Variants in ADA observed in about 807,000 individuals in gnomAD.
ADA encodes adenosine deaminase.
Under a neutral mutation model 49.0 loss-of-function variants are expected in ADA, and 45 were observed. The observed-to-expected ratio is 0.92, with a 90% CI of 0.72 to 1.18. ADA has a LOEUF of 1.18. ADA is among the 50% of genes most tolerant of loss of function. The pLI is 0.00. For synonymous variants in ADA, 173 were observed against 184.2 expected (o/e 0.94, Z 0.49); for missense variants, 445 against 472.5 (o/e 0.94, Z 0.54).
chr20:44,620,862 G>C, intron 10 of ADA, 156 bp downstream of exon 10: 1 of 1,034,656 alleles, frequency 9.7e-7, no homozygotes, highest in South Asian at 1.3e-5. Flanking sequence ...TCAACACAAA[G>C]ATGTCTTCTC....
chr20:44,620,601 A>G, intron 10 of ADA, 200 bp from the exon 11 acceptor site: 5 of 633,008 alleles, frequency 7.9e-6, no homozygotes, highest in East Asian at 5.7e-5. Context: ...TACATGAAAA[A>G]GGGCTGTGAG....
At chr20:44,635,202 C>G (rs2065469138) in intron 2 of ADA, among the ~76,000 whole-genome samples, 1 of 152,178 alleles carries the variant, frequency 6.6e-6, no homozygotes. Flanking sequence ...AAGAACCTTC[C>G]TCGCTGGGGA....
rs2065408258 is a variant in ADA at position 44,629,043 on chromosome 20, TCA to T, written c.218+2_218+3del. On this transcript the variant is annotated splice_donor_variant and splice_donor_region_variant and intron_variant, in intron 3 of 11. Coordinates refer to ENST00000372874, the MANE Select transcript of ADA (RefSeq NM_000022.4). LOFTEE classifies it high-confidence loss of function. ...CTAGGACCTGTGGGTTGGGGGCAAC[TCA>T]CGCGATAGCAGGCATGTAGTAGTCA... 6.2e-7 allele frequency: 1 copy of T among 1,614,028 alleles called. No individual in the cohort carries two copies. The highest frequency in any genetic ancestry group is 1.1e-5 in the South Asian group (1 of 91,084).
intron 4 of ADA, among the ~76,000 whole-genome samples, chr20:44,625,927 C>T (rs1328813891): frequency 6.6e-6 from 1 of 152,172 alleles, no homozygotes; most frequent in Non-Finnish European, 1.5e-5. Context: ...ATGGCCCTCC[C>T]CACCCCCAGA....
rs1196432166 is a variant in ADA, at chr20:44,620,370, G to T, written c.1007C>A (p.Pro336Gln). ...NINAAKSSFLPEDEKRELLDL... is the reference protein window; with the variant it reads ...NINAAKSSFLQEDEKRELLDL... ...GAGAAGCTCCCTCTTTTCATCTTCT[G>T]GGAGGAAACTAGATTTGGCCGCATT... The change falls in exon 11 of 12, where the codon CCA (proline) becomes CAA (glutamine). Residue 336 changes from proline to glutamine, a missense_variant. Physicochemically the swap from Pro to Gln is moderately conservative, Grantham distance 76. Transcript: ENST00000372874. 1 of 1,614,182 alleles carries T rather than the reference G, an allele frequency of 6.2e-7. No homozygotes were observed. The highest frequency in any genetic ancestry group is 1.7e-5 in the Admixed American group (1 of 60,014).
At chr20:44,645,219 G>A (rs183464551) in intron 1 of ADA, among the ~76,000 whole-genome samples, 35 of 152,168 alleles carry the variant, frequency 2.3e-4, no homozygotes, top group Admixed American at 2.2e-3. Flanking sequence ...GAGGACCAGC[G>A]GGGGCAAGTG....
chr20:44,629,234 G>C, intron 2 of ADA, 65 bp from the exon 3 acceptor site: 1 of 1,609,622 alleles, frequency 6.2e-7, no homozygotes, highest in Non-Finnish European at 8.5e-7. Context: ...TGACAGGCCA[G>C]GATGGAGCAG....
Position 44,621,118 on chromosome 20 carries a change from A to C in ADA, c.875T>G (p.Leu292Arg). Residue 292 changes from leucine to arginine, a missense_variant, in exon 10 of 12, where the codon CTC becomes CGC. Coordinates refer to ENST00000372874, the MANE Select transcript of ADA (RefSeq NM_000022.4). ...GAAGATGAGCGGGTCATCTGTGTTGAGCGAGTAGTTAGCCTGGTCATTTTT... is the reference window on the plus strand; with the variant it reads ...GAAGATGAGCGGGTCATCTGTGTTGCGCGAGTAGTTAGCCTGGTCATTTTT... ...RLKNDQANYS[L>R]NTDDPLIFKS... The C allele has an allele frequency of 6.2e-7, 1 of 1,614,186 alleles. No individual in the cohort carries two copies. Among genetic ancestry groups the C allele is most frequent in the Non-Finnish European group, 8.5e-7 (1 of 1,180,042 alleles).
chr20:44,635,762 G>A (rs1212043980), intron 2 of ADA, among the ~76,000 whole-genome samples: 2 of 152,164 alleles, frequency 1.3e-5, no homozygotes, highest in Non-Finnish European at 2.9e-5. Flanking sequence ...GCTGGATGTG[G>A]TGGCATGTGC....
chr20:44,620,350 G>C lies in ADA; in HGVS notation c.1027C>G (p.Leu343Val), dbSNP rs1170562212. 6.2e-7 allele frequency: 1 copy of C among 1,614,106 alleles called. No homozygotes were observed. The highest frequency in any genetic ancestry group is 8.5e-7 in the Non-Finnish European group (1 of 1,180,048). The change falls in exon 11 of 12, where the codon CTT becomes GTT. Residue 343 changes from leucine (L) to valine (V), a missense_variant. By Grantham distance (32) the Leu-to-Val change is conservative. Transcript: ENST00000372874. ...TAGGCTTTATAGAGCAGGTCGAGAA[G>C]CTCCCTCTTTTCATCTTCTGGGAGG... ...SFLPEDEKRE[L>V]LDLLYKAYGM...
In ADA at chr20:44,649,185, T is replaced by C. The variant is rs1270737282; in HGVS notation, c.33+2390A>G. On this transcript the variant is annotated intron_variant, in intron 1 of 11. Transcript: ENST00000372874. ...CTCTGTGCCTGGATTAAATAAAAAA[T>C]GCAGATAATGTGTTTAGAACGGTGC... Among the ~76,000 whole-genome samples, 3 of 152,060 alleles carry C rather than the reference T, an allele frequency of 2.0e-5. No individual in the cohort carries two copies. In the East Asian group the frequency reaches 5.8e-4, roughly 29 times the overall value.
chr20:44,625,186 C>A (rs1308403419), intron 5 of ADA, among the ~76,000 whole-genome samples: 1 of 152,208 alleles, frequency 6.6e-6, no homozygotes, highest in East Asian at 1.9e-4. Flanking sequence ...ACAAGGGAGA[C>A]CCCTCAGAAA....
At chr20:44,640,196 T>C (rs889658090) in intron 1 of ADA, among the ~76,000 whole-genome samples, 5 of 152,000 alleles carry the variant, frequency 3.3e-5, no homozygotes, top group Non-Finnish European at 7.4e-5. Flanking sequence ...GGTGGATCAC[T>C]TGAGGTTAGG....
At chr20:44,649,178 TAAA>T (rs1004141687) in intron 1 of ADA, among the ~76,000 whole-genome samples, 4 of 152,028 alleles carry the variant, frequency 2.6e-5, no homozygotes, top group Non-Finnish European at 4.4e-5. Context: ...CTGGATTAAA[TAAA>T]AAATGCAGAT....
At chr20:44,623,962 G>C (rs1483876741) in intron 6 of ADA, 3 of 534,562 alleles carry the variant, frequency 5.6e-6, no homozygotes, top group Non-Finnish European at 1.1e-5. Context: ...GCCCTGGCTG[G>C]TCTCAAACTC....
At chr20:44,626,961 A>G (rs2065388683) in intron 3 of ADA, among the ~76,000 whole-genome samples, 1 of 152,060 alleles carries the variant, frequency 6.6e-6, no homozygotes, top group Non-Finnish European at 1.5e-5. Flanking sequence ...CCTGCCACGG[A>G]GAGTGACATC....
At chr20:44,639,857 C>T (rs889614864) in intron 1 of ADA, among the ~76,000 whole-genome samples, 2 of 151,922 alleles carry the variant, frequency 1.3e-5, no homozygotes, top group Non-Finnish European at 2.9e-5. Context: ...AAGGAGCTCA[C>T]CTAGGGAGAA....
intron 11 of ADA, among the ~76,000 whole-genome samples, 156 bp from the exon 12 acceptor site, chr20:44,620,003 G>T (rs1162438225): frequency 6.6e-6 from 1 of 152,232 alleles, no homozygotes. Context: ...AGCAGAACAG[G>T]CCTGGGCCCC....
chr20:44,619,786 C>T lies in ADA; in HGVS notation c.*48G>A, dbSNP rs1281685517. 6.2e-7 allele frequency: 1 copy of T among 1,612,442 alleles called. No individual in the cohort carries two copies. ...AATGTAAAAATGTTGCTCAGCCCCACAGAGTTGGGGTGACTCCACAGGGTG... is the reference window on the plus strand; with the variant it reads ...AATGTAAAAATGTTGCTCAGCCCCATAGAGTTGGGGTGACTCCACAGGGTG... On this transcript the variant is annotated 3_prime_UTR_variant, in exon 12 of 12. Coordinates refer to ENST00000372874, the MANE Select transcript of ADA (RefSeq NM_000022.4).
Sources: allele counts gnomAD v4.1 joint callset (sites outside exome capture counted in the v4.1 genomes callset), GRCh38; gene constraint gnomAD v4.1.1; transcripts MANE v1.5; gene names NCBI Gene and HGNC (gene_info 2026-07-23, HGNC 2026-07-21).